Variants in EIF3J observed in about 807,000 individuals in gnomAD.
EIF3J encodes the protein eukaryotic translation initiation factor 3, subunit 1 (alpha, 35kD).
EIF3J carries 15 observed loss-of-function variants against 39.0 expected under a neutral mutation model. The ratio of observed to expected loss-of-function variants is 0.38; its 90% confidence interval spans 0.26 to 0.59. The LOEUF (loss-of-function observed/expected upper bound fraction) is 0.59. Among genes scored for constraint, EIF3J ranks in the 20% least tolerant of loss-of-function variants. The pLI, the probability that EIF3J is intolerant of heterozygous loss-of-function variation, is 0.60. For synonymous variants in EIF3J, 98 were observed against 112.9 expected, an observed-to-expected ratio of 0.87 and a Z score of 0.84; for missense variants, 226 against 308.6, an observed-to-expected ratio of 0.73 and a Z score of 2.00.
intron 2 of EIF3J, among the ~76,000 whole-genome samples, chr15:44,537,666 C>T (rs1457708491): frequency 6.6e-6 from 1 of 152,238 alleles, no homozygotes; most frequent in African/African-American, 2.4e-5. Flanking sequence ...TCCCACCCGC[C>T]GGCTGGCGAC....
At chr15:44,552,365 A>C (rs1175961180) in intron 4 of EIF3J, among the ~76,000 whole-genome samples, 1 of 151,492 alleles carries the variant, frequency 6.6e-6, no homozygotes, top group East Asian at 2.0e-4. Context: ...GTCATGCCTC[A>C]GCATCCCAGG....
At chr15:44,540,692 C>T (rs769274351) in intron 2 of EIF3J, among the ~76,000 whole-genome samples, 36 of 152,230 alleles carry the variant, frequency 2.4e-4, no homozygotes, top group Non-Finnish European at 3.7e-4. Context: ...CTATCCTCCT[C>T]AGCCTCCTAA....
intron 2 of EIF3J, among the ~76,000 whole-genome samples, chr15:44,540,202 G>T (rs2081999666): frequency 6.9e-6 from 1 of 144,568 alleles, no homozygotes; most frequent in Admixed American, 6.9e-5. Flanking sequence ...CTCCCAAAGT[G>T]CTGGGATTAC....
intron 4 of EIF3J, 45 bp downstream of exon 4, chr15:44,551,567 G>T (rs374165775): frequency 7.0e-7 from 1 of 1,430,884 alleles, no homozygotes; most frequent in African/African-American, 1.4e-5. Context: ...ATCGGTAGTG[G>T]TATAGTTTCT....
rs77022391 is a variant in EIF3J at position 44,550,319 on chromosome 15, T to C, written c.148-557T>C. On this transcript the variant is annotated intron_variant, in intron 2 of 7. Coordinates refer to ENST00000261868, the MANE Select transcript of EIF3J (RefSeq NM_003758.4). The stretch of plus-strand genomic sequence containing the variant: ...TATTTGTTTTGAGACAGGGTTTTTA[T>C]GATAGTGAGTTGCCTAGGATAGAGT... Among the ~76,000 whole-genome samples the C allele has an allele frequency of 5.8e-3, 887 of 152,314 alleles. 25 individuals carry two copies. The East Asian group carries it at 0.087, about 15-fold the overall frequency.
chr15:44,540,064 G>A (rs2081998229), intron 2 of EIF3J, among the ~76,000 whole-genome samples: 1 of 148,840 alleles, frequency 6.7e-6, no homozygotes, highest in Non-Finnish European at 1.5e-5. Context: ...TCAGCCTCCC[G>A]AGTAGCTGGG....
rs1207494758 is a variant in EIF3J, at chr15:44,560,237, T to A, written c.572-12T>A. On this transcript the variant is annotated splice_polypyrimidine_tract_variant and intron_variant, in intron 6 of 7. Transcript: ENST00000261868. Reference sequence around the variant, plus strand: ...AAATTCAAGTTTAATGGTATGCCCTTTTTTTTTTAAGTGGAAATTGATGAC... The same window carrying A: ...AAATTCAAGTTTAATGGTATGCCCTATTTTTTTTAAGTGGAAATTGATGAC... The A allele has an allele frequency of 6.3e-7, 1 of 1,588,648 alleles. No homozygotes were observed. The highest frequency in any genetic ancestry group is 1.8e-5 in the Admixed American group (1 of 54,984).
intron 2 of EIF3J, among the ~76,000 whole-genome samples, chr15:44,540,273 T>C: frequency 7.5e-6 from 1 of 133,836 alleles, no homozygotes; most frequent in East Asian, 2.2e-4. Context: ...ATATATTTTT[T>C]TTTTTTTTTT....
At chr15:44,557,345 C>G (rs1176246662) in intron 5 of EIF3J, 144 bp from the exon 6 acceptor site, 4 of 475,840 alleles carry the variant, frequency 8.4e-6, no homozygotes, top group African/African-American at 2.0e-5. Flanking sequence ...GCCATTCTAT[C>G]CAGTGACTCC....
rs529511135 is a variant in EIF3J, at chr15:44,557,711, A to C, written c.571+61A>C. ...TTTTTAGTAGGATGTTCTCTTCAGG[A>C]GGTTGAAGGTTATTTTTTATTTTCA... On this transcript the variant is annotated intron_variant, in intron 6 of 7. Coordinates refer to ENST00000261868, the MANE Select transcript of EIF3J (RefSeq NM_003758.4). The C allele has an allele frequency of 6.8e-5, 86 of 1,257,886 alleles. No homozygotes were observed. The Middle Eastern group carries it at 2.0e-3, about 30-fold the overall frequency. 77.9% of individuals were successfully genotyped at this position (1,257,886 alleles called of 1,614,324 possible).
At chr15:44,556,274 CCT>C (rs2082143575) in intron 5 of EIF3J, among the ~76,000 whole-genome samples, 1 of 152,074 alleles carries the variant, frequency 6.6e-6, no homozygotes, top group Admixed American at 6.6e-5. Context: ...CTTTTTGTTC[CCT>C]CTCTCCCCAC....
chr15:44,537,543 A>G (rs1197344385), intron 2 of EIF3J, 116 bp downstream of exon 2: 2 of 1,098,956 alleles, frequency 1.8e-6, no homozygotes, highest in South Asian at 1.8e-5. Flanking sequence ...GCGCGAGCAT[A>G]GGGCCTGGCG....
intron 2 of EIF3J, among the ~76,000 whole-genome samples, chr15:44,546,346 C>A (rs2082052738): frequency 6.6e-6 from 1 of 152,096 alleles, no homozygotes; most frequent in African/African-American, 2.4e-5. Context: ...TACAAAGTTC[C>A]TTTAATTATG....
At chr15:44,546,220 T>C (rs2082051506) in intron 2 of EIF3J, among the ~76,000 whole-genome samples, 1 of 152,236 alleles carries the variant, frequency 6.6e-6, no homozygotes, top group South Asian at 2.1e-4. Flanking sequence ...TTTCTAACTC[T>C]AGTATCACAG....
intron 2 of EIF3J, among the ~76,000 whole-genome samples, chr15:44,545,536 G>C (rs969312076): frequency 6.6e-6 from 1 of 152,142 alleles, no homozygotes; most frequent in Non-Finnish European, 1.5e-5. Flanking sequence ...TCAATAAAAA[G>C]GTCAGTCAAA....
intron 2 of EIF3J, among the ~76,000 whole-genome samples, chr15:44,550,091 T>C (rs970510282): frequency 6.6e-6 from 1 of 152,202 alleles, no homozygotes; most frequent in African/African-American, 2.4e-5. Flanking sequence ...AACATTGCAC[T>C]AGAGGTTTAG....
chr15:44,537,552 C>G (rs1274506318), intron 2 of EIF3J, 125 bp downstream of exon 2: 1 of 993,560 alleles, frequency 1.0e-6, no homozygotes, highest in Non-Finnish European at 1.4e-6. Flanking sequence ...TAGGGCCTGG[C>G]GGTGCTCTCT....
At chr15:44,551,320 T>C in intron 3 of EIF3J, 111 bp from the exon 4 acceptor site, 2 of 715,538 alleles carry the variant, frequency 2.8e-6, no homozygotes, top group South Asian at 2.2e-5. Flanking sequence ...AAATCACTGT[T>C]TGAAGCTGGG....
chr15:44,546,671 A>T (rs1244240833), intron 2 of EIF3J, among the ~76,000 whole-genome samples: 1 of 152,150 alleles, frequency 6.6e-6, no homozygotes, highest in African/African-American at 2.4e-5. Flanking sequence ...CTATGATTAA[A>T]GCCATCTTTA....
Sources: allele counts gnomAD v4.1 joint callset (sites outside exome capture counted in the v4.1 genomes callset), GRCh38; gene constraint gnomAD v4.1.1; transcripts MANE v1.5; gene names NCBI Gene and HGNC (gene_info 2026-07-23, HGNC 2026-07-21).